Variants in RPS6KL1 observed in about 807,000 individuals in gnomAD.
RPS6KL1 encodes the protein ribosomal protein S6 kinase like 1.
In RPS6KL1, 41 loss-of-function variants were observed where a neutral mutation model predicts 57.0. That is an observed-to-expected ratio of 0.72 (90% CI 0.56 to 0.93). The LOEUF is 0.93. Among genes scored for constraint, RPS6KL1 ranks in the 40% least tolerant of loss-of-function variants. The pLI is 0.00. For missense variants in RPS6KL1, 697 were observed against 727.7 expected, an observed-to-expected ratio of 0.96 and a Z score of 0.49; for synonymous variants, 287 against 309.7, an observed-to-expected ratio of 0.93 and a Z score of 0.77.
intron 8 of RPS6KL1, 88 bp from the exon 9 acceptor site, chr14:74,909,278 GC>G: frequency 7.6e-7 from 1 of 1,310,078 alleles, no homozygotes; most frequent in Non-Finnish European, 1.1e-6. Flanking sequence ...CAACAGTCAT[GC>G]GGTAGGAGCC....
intron 8 of RPS6KL1, 135 bp downstream of exon 8, chr14:74,909,408 C>T: frequency 8.1e-7 from 1 of 1,240,018 alleles, no homozygotes; most frequent in South Asian, 1.5e-5. Context: ...AGACTCCAGC[C>T]TAGGCCCCCT....
At chr14:74,919,757 G>A in intron 4 of RPS6KL1, 88 bp downstream of exon 4, 2 of 1,458,324 alleles carry the variant, frequency 1.4e-6, no homozygotes, top group Non-Finnish European at 1.9e-6. Flanking sequence ...CTGCAGCCCA[G>A]GGCGGGCCTG....
In RPS6KL1 at chr14:74,905,210, A is replaced by C. The variant is rs1206939834; in HGVS notation, c.*1804T>G. On this transcript the variant is annotated 3_prime_UTR_variant, in exon 12 of 12. Coordinates refer to ENST00000557413, the MANE Select transcript of RPS6KL1 (RefSeq NM_031464.5). ...ATGTGTAGCTTTGGGTGGATGAAGC[A>C]CAGAAGTTCCAGAAGGGACTTGTGC... 6.6e-6 allele frequency: 1 copy of C among 152,174 alleles called. No individual in the cohort carries two copies. Among genetic ancestry groups the C allele is most frequent in the East Asian group, 1.9e-4 (1 of 5,196 alleles). 9.4% of individuals were successfully genotyped at this position (152,174 alleles called of 1,614,324 possible). A position where few individuals can be genotyped will look rare whatever the true frequency, so the allele number is the denominator to read the frequency against.
At chr14:74,921,238 T>TTGCCCCC in intron 3 of RPS6KL1, 39 bp downstream of exon 3, 15 of 840,156 alleles carry the variant, frequency 1.8e-5, no homozygotes, top group Non-Finnish European at 2.7e-5. Flanking sequence ...CACTGGCCCT[T>TTGCCCCC]CCCCACCCAC....
chr14:74,921,338 G>C lies in RPS6KL1; in HGVS notation c.204C>G (p.Asp68Glu). ...RLALERDVSEDYEAAFNHYQN... is the reference protein window; with the variant it reads ...RLALERDVSEEYEAAFNHYQN... ...GATAGTGGTTGAAGGCCGCCTCATA[G>C]TCCTCACTAACATCGCGCTCCAGGG... Residue 68 changes from aspartate to glutamate, a missense_variant, in exon 3 of 12, where the codon GAC (aspartate) becomes GAG (glutamate). Physicochemically the swap from Asp to Glu is conservative, Grantham distance 45 (BLOSUM62 2). Coordinates refer to ENST00000557413, the MANE Select transcript of RPS6KL1 (RefSeq NM_031464.5). The C allele has an allele frequency of 6.2e-7, 1 of 1,614,098 alleles. No homozygotes were observed. The highest frequency in any genetic ancestry group is 8.5e-7 in the Non-Finnish European group (1 of 1,179,974).
At chr14:74,917,525 G>A (rs1379994048) in intron 5 of RPS6KL1, among the ~76,000 whole-genome samples, 3 of 152,188 alleles carry the variant, frequency 2.0e-5, no homozygotes, top group Admixed American at 2.0e-4. Context: ...TAGCCAGCTT[G>A]GTAAAGAACT....
At chr14:74,923,029 G>A (rs894159018) in intron 1 of RPS6KL1, among the ~76,000 whole-genome samples, 151 bp downstream of exon 1, 106 of 152,314 alleles carry the variant, frequency 7.0e-4, no homozygotes, top group Non-Finnish European at 1.2e-3. Flanking sequence ...GGGTCCTGCC[G>A]GGCAGAGCCG....
Position 74,907,127 on chromosome 14 carries a change from GCAGA to G in RPS6KL1, c.1540-7_1540-4del. 1 of 1,605,010 alleles carries G rather than the reference GCAGA, an allele frequency of 6.2e-7. No individual in the cohort carries two copies. The highest frequency in any genetic ancestry group is 1.1e-5 in the South Asian group (1 of 89,566). The stretch of plus-strand genomic sequence containing the variant: ...CGGGTAGGCTCGAACTGCAGCAGCT[GCAGA>G]GAGAGGCCCAGTCAGCTGGGCCACT... On this transcript the variant is annotated splice_polypyrimidine_tract_variant and splice_region_variant and intron_variant, in intron 11 of 11. Coordinates refer to ENST00000557413, the MANE Select transcript of RPS6KL1 (RefSeq NM_031464.5).
intron 8 of RPS6KL1, 45 bp from the exon 9 acceptor site, chr14:74,909,235 C>T (rs901407882): frequency 1.3e-6 from 2 of 1,566,846 alleles, no homozygotes; most frequent in African/African-American, 2.7e-5. Context: ...TTGAGGACAG[C>T]TGATACAGGG....
chr14:74,911,364 T>G lies in RPS6KL1; in HGVS notation c.548A>C (p.His183Pro), dbSNP rs529538093. 133 of 1,608,080 alleles carry G rather than the reference T, an allele frequency of 8.3e-5. 1 individual carries two copies. In the South Asian group the frequency reaches 1.3e-3, roughly 16 times the overall value. The change falls in exon 7 of 12, where the codon CAC (histidine) becomes CCC (proline). Residue 183 changes from histidine to proline, a missense_variant. Physicochemically the swap from His to Pro is moderately conservative, Grantham distance 77 (BLOSUM62 -2). Coordinates refer to ENST00000557413, the MANE Select transcript of RPS6KL1 (RefSeq NM_031464.5). ...TFVVKSLPRCHMVSRERLTII... is the reference protein window; with the variant it reads ...TFVVKSLPRCPMVSRERLTII... ...GGTCAGCCGCTCCCTGCTCACCATG[T>G]GGCACCTGGGTAGGCTCTGGGAGCA...
In RPS6KL1 at chr14:74,906,834, G is replaced by A; in HGVS notation, c.*180C>T. Reference sequence around the variant, plus strand: ...CCCACCTCCAGCTTTTCCAGGAGCTGGCCCTTCCTGGGTGGTGGCCATAAT... The same window carrying A: ...CCCACCTCCAGCTTTTCCAGGAGCTAGCCCTTCCTGGGTGGTGGCCATAAT... On this transcript the variant is annotated 3_prime_UTR_variant, in exon 12 of 12. Transcript: ENST00000557413. The A allele has an allele frequency of 5.4e-6, 4 of 742,854 alleles. No individual in the cohort carries two copies. The highest frequency in any genetic ancestry group is 9.9e-6 in the Non-Finnish European group (4 of 404,664). The allele number at this position is 742,854 out of a possible 1,614,324, so 46.0% of individuals were successfully genotyped here.
chr14:74,919,729 C>A, intron 4 of RPS6KL1, 116 bp downstream of exon 4: 1 of 1,156,960 alleles, frequency 8.6e-7, no homozygotes, highest in Non-Finnish European at 1.2e-6. Flanking sequence ...ATAATGACTT[C>A]CACTGCCGGC....
chr14:74,921,238 T>TGGCCCCCCCCCCCCCCCCCCCCCCCCC, intron 3 of RPS6KL1, 39 bp downstream of exon 3: 13 of 840,152 alleles, frequency 1.5e-5, no homozygotes, highest in East Asian at 5.3e-5. Flanking sequence ...CACTGGCCCT[T>TGGCCCCCCCCCCCCCCCCCCCCCCCCC]CCCCACCCAC....
At chr14:74,908,065 GAGGT>G (rs1369304628) in intron 10 of RPS6KL1, among the ~76,000 whole-genome samples, 2 of 152,210 alleles carry the variant, frequency 1.3e-5, no homozygotes, top group African/African-American at 4.8e-5. Context: ...CTGGGCTGGA[GAGGT>G]GGGAGGAGAC....
chr14:74,921,604 A>G, intron 2 of RPS6KL1, 43 bp from the exon 3 acceptor site: 1 of 1,560,954 alleles, frequency 6.4e-7, no homozygotes, highest in Non-Finnish European at 8.7e-7. Context: ...GCTGGTAGCA[A>G]CACCCCTATC....
chr14:74,910,783 C>T (rs547418105), intron 7 of RPS6KL1: 1 of 168,428 alleles, frequency 5.9e-6, no homozygotes, highest in Non-Finnish European at 1.3e-5. Flanking sequence ...CAGGGGCCCA[C>T]AACAGCCTGA....
At chr14:74,919,226 G>A (rs1262754395) in intron 4 of RPS6KL1, among the ~76,000 whole-genome samples, 1 of 152,214 alleles carries the variant, frequency 6.6e-6, no homozygotes, top group Non-Finnish European at 1.5e-5. Context: ...CTGGGAACGT[G>A]TGAGTCTCAG....
rs1341061791 is a variant in RPS6KL1 at position 74,904,852 on chromosome 14, T to C, written c.*2162A>G. On this transcript the variant is annotated 3_prime_UTR_variant, in exon 12 of 12. Transcript: ENST00000557413. ...TACAGGGTGGGTAGCTAACCTAGAC[T>C]GCAGGTGGCAGGTGTGATGGAGTCC... 6.6e-6 allele frequency: 1 copy of C among 152,272 alleles called. No individual in the cohort carries two copies. Among genetic ancestry groups the C allele is most frequent in the East Asian group, 1.9e-4 (1 of 5,190 alleles). The allele number at this position is 152,272 out of a possible 1,614,324, so 9.4% of individuals were successfully genotyped here. A position where few individuals can be genotyped will look rare whatever the true frequency, so the allele number is the denominator to read the frequency against.
chr14:74,918,431 G>A (rs1479384757), intron 5 of RPS6KL1, 82 bp downstream of exon 5: 2 of 1,026,370 alleles, frequency 1.9e-6, no homozygotes, highest in Non-Finnish European at 2.8e-6. Flanking sequence ...CCTGCTTTCA[G>A]CATATCATGT....
Sources: allele counts gnomAD v4.1 joint callset (sites outside exome capture counted in the v4.1 genomes callset), GRCh38; gene constraint gnomAD v4.1.1; transcripts MANE v1.5; gene names NCBI Gene and HGNC (gene_info 2026-07-23, HGNC 2026-07-21).